GALK2: variants seen among roughly 807,000 people sequenced by gnomAD.
GALK2 encodes the protein galactokinase 2, also known as N-acetylgalactosamine kinase.
GALK2 carries 36 observed loss-of-function variants against 52.4 expected under a neutral mutation model. The ratio of observed to expected loss-of-function variants is 0.69; its 90% CI spans 0.53 to 0.91. The LOEUF (loss-of-function observed/expected upper bound fraction) is 0.91. Among genes scored for constraint, GALK2 ranks in the 40% least tolerant of loss-of-function variants. The pLI is 0.00. For synonymous variants in GALK2, 176 were observed against 199.1 expected (o/e 0.88, Z 0.98); for missense variants, 579 against 559.1 (o/e 1.04, Z -0.36).
intron 5 of GALK2, among the ~76,000 whole-genome samples, chr15:49,259,062 T>A (rs1595864665): frequency 6.6e-6 from 1 of 151,670 alleles, no homozygotes; most frequent in African/African-American, 2.4e-5. Context: ...GTCAGATGAG[T>A]AGGTTGTGAA....
At chr15:49,181,863 G>T in intron 1 of GALK2, among the ~76,000 whole-genome samples, 1 of 148,864 alleles carries the variant, frequency 6.7e-6, no homozygotes. Flanking sequence ...ATTTTTTATG[G>T]GTACATAATA....
intron 3 of GALK2, among the ~76,000 whole-genome samples, chr15:49,362,541 G>C (rs943405422): frequency 6.6e-6 from 1 of 152,122 alleles, no homozygotes; most frequent in African/African-American, 2.4e-5. Flanking sequence ...CACATGCATA[G>C]TTTGCAAATA....
At chr15:49,236,767 T>C (rs1595782615) in intron 4 of GALK2, among the ~76,000 whole-genome samples, 1 of 152,178 alleles carries the variant, frequency 6.6e-6, no homozygotes, top group African/African-American at 2.4e-5. Flanking sequence ...AACTGACCCA[T>C]GTTTTAGAGA....
intron 7 of GALK2, among the ~76,000 whole-genome samples, chr15:49,284,661 A>C (rs948476489): frequency 1.3e-5 from 2 of 152,200 alleles, no homozygotes; most frequent in Non-Finnish European, 1.5e-5. Context: ...CTATTTTCTC[A>C]GTAGTAATAA....
intron 5 of GALK2, among the ~76,000 whole-genome samples, chr15:49,271,617 T>C (rs1188243625): frequency 6.6e-6 from 1 of 152,198 alleles, no homozygotes; most frequent in African/African-American, 2.4e-5. Context: ...ATTTAACCTC[T>C]CTATGCTTCA....
At chr15:49,289,259 A>G (rs974710224) in intron 7 of GALK2, among the ~76,000 whole-genome samples, 14 of 152,144 alleles carry the variant, frequency 9.2e-5, no homozygotes, top group Non-Finnish European at 1.9e-4. Context: ...CTGTGAGCAG[A>G]TGCACATGAA....
chr15:49,164,780 C>CAAAAAAAAAAAAAACAAAAAA (rs2084765615), intron 1 of GALK2, among the ~76,000 whole-genome samples: 1 of 65,182 alleles, frequency 1.5e-5, no homozygotes, highest in Non-Finnish European at 2.9e-5. Flanking sequence ...AACTCCGTCT[C>CAAAAAAAAAAAAAACAAAAAA]AAAAAAAAAA....
At chr15:49,323,740 G>A (rs965841905) in intron 9 of GALK2, among the ~76,000 whole-genome samples, 2 of 152,188 alleles carry the variant, frequency 1.3e-5, no homozygotes, top group African/African-American at 4.8e-5. Flanking sequence ...TTGGGAAAGA[G>A]CACCACTGCT....
intron 5 of GALK2, among the ~76,000 whole-genome samples, chr15:49,253,418 AT>A (rs1320552217): frequency 6.9e-6 from 1 of 143,984 alleles, no homozygotes; most frequent in Non-Finnish European, 1.6e-5. Flanking sequence ...AAGCAGGAAT[AT>A]TTTTTCTTTC....
intron 8 of GALK2, among the ~76,000 whole-genome samples, chr15:49,314,414 CTTTAT>C (rs2036240900): frequency 6.6e-6 from 1 of 152,184 alleles, no homozygotes. Flanking sequence ...TGTTTCCAAA[CTTTAT>C]TTTAGCAAAC....
intron 1 of GALK2, among the ~76,000 whole-genome samples, chr15:49,181,759 T>G (rs1429621336): frequency 6.6e-6 from 1 of 152,000 alleles, no homozygotes; most frequent in Admixed American, 6.5e-5. Flanking sequence ...TTGAAAAAAG[T>G]ACTGTATATT....
downstream of GALK2, among the ~76,000 whole-genome samples, chr15:49,336,786 G>T (rs1232152568): frequency 6.6e-6 from 1 of 152,058 alleles, no homozygotes; most frequent in Non-Finnish European, 1.5e-5. Flanking sequence ...TGAGGTTTGG[G>T]GTCTGAATGA....
intron 5 of GALK2, among the ~76,000 whole-genome samples, chr15:49,261,274 G>A (rs1397069460): frequency 6.8e-6 from 1 of 147,780 alleles, no homozygotes; most frequent in Admixed American, 6.8e-5. Context: ...CCTTGAAGAG[G>A]TCCTTCACGT....
At chr15:49,193,206 C>T (rs1432207437) in intron 1 of GALK2, among the ~76,000 whole-genome samples, 1 of 151,708 alleles carries the variant, frequency 6.6e-6, no homozygotes, top group African/African-American at 2.4e-5. Flanking sequence ...CCATGTTAGC[C>T]AGGCTGGTCT....
intron 5 of GALK2, among the ~76,000 whole-genome samples, chr15:49,248,557 C>T (rs1406704741): frequency 6.6e-6 from 1 of 152,176 alleles, no homozygotes; most frequent in African/African-American, 2.4e-5. Flanking sequence ...ATAGTGTTAG[C>T]TCTGGGTGGC....
upstream of GALK2, among the ~76,000 whole-genome samples, chr15:49,166,799 A>G (rs2084838413): frequency 6.6e-6 from 1 of 152,262 alleles, no homozygotes; most frequent in Non-Finnish European, 1.5e-5. Context: ...ATGAGAAAAT[A>G]TCCAAAATAG....
intron 8 of GALK2, among the ~76,000 whole-genome samples, chr15:49,293,321 T>C (rs1187325189): frequency 6.6e-6 from 1 of 152,200 alleles, no homozygotes; most frequent in Non-Finnish European, 1.5e-5. Context: ...TGGGATGAGA[T>C]AAGGGAATCA....
chr15:49,243,405 A>G (rs1041409473), intron 5 of GALK2, among the ~76,000 whole-genome samples: 6 of 152,186 alleles, frequency 3.9e-5, no homozygotes, highest in African/African-American at 1.4e-4. Flanking sequence ...ACACTCCAGC[A>G]GGAATGTTGG....
chr15:49,249,055 C>T (rs75140703), intron 5 of GALK2, among the ~76,000 whole-genome samples: 9,187 of 152,218 alleles, frequency 0.06, 555 homozygotes, highest in African/African-American at 0.15. Context: ...TTAAGTGTTA[C>T]ACAGTATTCA....
Sources: gnomAD v4.1 joint callset for allele counts (sites outside exome capture counted in the v4.1 genomes callset) on GRCh38, gnomAD v4.1.1 for gene constraint, MANE v1.5 for transcripts, NCBI Gene and HGNC (gene_info 2026-07-23, HGNC 2026-07-21) for gene names.